SPMAP2L: variants seen among roughly 807,000 people sequenced by gnomAD.
SPMAP2L encodes sperm microtubule associated protein 2-like.
the SPMAP2L span, among the ~76,000 whole-genome samples, chr4:56,571,363 C>T: frequency 4.0e-5 from 6 of 148,678 alleles, no homozygotes; most frequent in Non-Finnish European, 8.9e-5. Flanking sequence ...GTTGCCCTTA[C>T]TGGAGTGCAG....
At chr4:56,571,649 C>T in the SPMAP2L span, among the ~76,000 whole-genome samples, 1 of 152,096 alleles carries the variant, frequency 6.6e-6, no homozygotes, top group Admixed American at 6.5e-5. Context: ...AGTTCAAGAC[C>T]AACCTGGGCA....
the SPMAP2L span, among the ~76,000 whole-genome samples, chr4:56,612,639 C>G: frequency 6.6e-6 from 1 of 152,088 alleles, no homozygotes; most frequent in African/African-American, 2.4e-5. Context: ...GCGATCTCAG[C>G]TCACTGCAAT....
At chr4:56,573,690 C>T in the SPMAP2L span, among the ~76,000 whole-genome samples, 2 of 152,120 alleles carry the variant, frequency 1.3e-5, no homozygotes, top group African/African-American at 2.4e-5. Context: ...CTAGAGGTTT[C>T]CTGCCTTTTT....
chr4:56,590,805 A>G, the SPMAP2L span, among the ~76,000 whole-genome samples: 3 of 152,234 alleles, frequency 2.0e-5, no homozygotes, highest in Non-Finnish European at 4.4e-5. Context: ...AATGGTTGTC[A>G]TATATTTCTT....
chr4:56,542,834 A>G, the SPMAP2L span, among the ~76,000 whole-genome samples: 1 of 152,046 alleles, frequency 6.6e-6, no homozygotes, highest in Non-Finnish European at 1.5e-5. Flanking sequence ...GTTCCAATCC[A>G]CCTTTCACCA....
At chr4:56,593,521 G>A in the SPMAP2L span, 1 of 1,599,464 alleles carries the variant, frequency 6.3e-7, no homozygotes, top group Non-Finnish European at 8.6e-7. Flanking sequence ...TGGGAGCCTG[G>A]CCTGCTGTGT....
chr4:56,581,961 C>T, the SPMAP2L span, among the ~76,000 whole-genome samples: 1 of 152,104 alleles, frequency 6.6e-6, no homozygotes, highest in Non-Finnish European at 1.5e-5. Flanking sequence ...TGATAACTGG[C>T]TATTTGCATG....
the SPMAP2L span, chr4:56,593,685 T>G: frequency 2.5e-6 from 4 of 1,602,078 alleles, no homozygotes; most frequent in Non-Finnish European, 3.4e-6. Flanking sequence ...TTGGTGAGAA[T>G]GATGCCTGGA....
the SPMAP2L span, among the ~76,000 whole-genome samples, chr4:56,577,643 A>C: frequency 6.6e-6 from 1 of 152,072 alleles, no homozygotes; most frequent in Admixed American, 6.5e-5. Flanking sequence ...AGCTAAGAAT[A>C]CTCTGTTTAG....
At chr4:56,535,282 G>A in the SPMAP2L span, among the ~76,000 whole-genome samples, 310 of 152,280 alleles carry the variant, frequency 2.0e-3, 1 homozygote, top group South Asian at 6.8e-3. Flanking sequence ...TGCCTCCAAA[G>A]AAAGAAGTAA....
chr4:56,575,591 T>C, the SPMAP2L span: 1 of 1,535,480 alleles, frequency 6.5e-7, no homozygotes. Context: ...TCCAAAAGGA[T>C]CCAGAGGCTG....
At chr4:56,534,227 T>C in the SPMAP2L span, among the ~76,000 whole-genome samples, 8 of 152,214 alleles carry the variant, frequency 5.3e-5, no homozygotes, top group Non-Finnish European at 8.8e-5. Context: ...GTGGCTTTTG[T>C]TGAGGTCACA....
chr4:56,612,652 C>A, the SPMAP2L span, among the ~76,000 whole-genome samples: 1 of 152,128 alleles, frequency 6.6e-6, no homozygotes, highest in East Asian at 1.9e-4. Flanking sequence ...ACTGCAATCT[C>A]CACCGCCCGG....
At chr4:56,581,313 G>A in the SPMAP2L span, among the ~76,000 whole-genome samples, 97 of 152,244 alleles carry the variant, frequency 6.4e-4, no homozygotes, top group African/African-American at 2.2e-3. Flanking sequence ...AAATTAGCCA[G>A]GAGTGGTGGT....
At chr4:56,607,114 C>T in the SPMAP2L span, among the ~76,000 whole-genome samples, 1 of 152,090 alleles carries the variant, frequency 6.6e-6, no homozygotes, top group Non-Finnish European at 1.5e-5. Flanking sequence ...TGTTTGTGTC[C>T]TTCCAAAATT....
the SPMAP2L span, chr4:56,596,690 A>G: frequency 1.4e-6 from 2 of 1,434,792 alleles, no homozygotes; most frequent in Non-Finnish European, 1.8e-6. Context: ...TTAGGATGCT[A>G]TTTTGCCTCT....
the SPMAP2L span, among the ~76,000 whole-genome samples, chr4:56,603,895 A>G: frequency 6.6e-6 from 1 of 152,342 alleles, no homozygotes; most frequent in Admixed American, 6.5e-5. Context: ...TGATGTCACC[A>G]ATCTCTGTTC....
At chr4:56,549,911 C>T in the SPMAP2L span, among the ~76,000 whole-genome samples, 1 of 152,008 alleles carries the variant, frequency 6.6e-6, no homozygotes, top group Non-Finnish European at 1.5e-5. Flanking sequence ...TCAAAAATTC[C>T]AAATAGTTCT....
At chr4:56,612,020 C>T in the SPMAP2L span, among the ~76,000 whole-genome samples, 231 of 152,288 alleles carry the variant, frequency 1.5e-3, no homozygotes, top group African/African-American at 5.3e-3. Flanking sequence ...GTAGCCTGTG[C>T]GTGCTCCCAT....
Sources: allele counts gnomAD v4.1 joint callset (sites outside exome capture counted in the v4.1 genomes callset), GRCh38; gene constraint gnomAD v4.1.1; transcripts MANE v1.5; gene names NCBI Gene and HGNC (gene_info 2026-07-23, HGNC 2026-07-21).